ZNF879: variants seen among roughly 807,000 people sequenced by gnomAD.
ZNF879 encodes the protein zinc finger protein 879.
Under a neutral mutation model 44.3 loss-of-function variants are expected in ZNF879, and 32 were observed. The observed-to-expected ratio is 0.72, with a 90% CI of 0.54 to 0.97. ZNF879 has a LOEUF of 0.97. ZNF879 is among the 50% of genes least tolerant of loss of function. The probability of loss-of-function intolerance (pLI) is 0.00; values close to 1 mark genes in which losing one functional copy is unlikely to be tolerated. For missense variants in ZNF879, 621 were observed against 669.7 expected, an observed-to-expected ratio of 0.93 and a Z score of 0.80; for synonymous variants, 234 against 233.2, an observed-to-expected ratio of 1.00 and a Z score of -0.03.
In ZNF879 at chr5:179,033,527, C is replaced by G; in HGVS notation, c.1579C>G (p.Leu527Val). ...CGKAFRQSSS[L>V]MTHMRIHTGE... ...GAAAGCCTTCAGACAGAGTTCATCC[C>G]TTATGACACACATGAGAATTCATAC... The change falls in exon 5 of 5, where the codon CTT becomes GTT. Residue 527 changes from leucine (L) to valine (V), a missense_variant. Leu to Val is a conservative substitution (Grantham distance 32). Transcript: ENST00000444149. 6.4e-7 allele frequency: 1 copy of G among 1,555,536 alleles called. No homozygotes were observed.
In ZNF879 at chr5:179,035,019, A is replaced by G. The variant is rs1027312237; in HGVS notation, c.*1379A>G. Reference sequence around the variant, plus strand: ...GGAGATCGAGACCATCCTGGCTAACATGGTGAAACCACGTCTCCACTAAAA... The same window carrying G: ...GGAGATCGAGACCATCCTGGCTAACGTGGTGAAACCACGTCTCCACTAAAA... On this transcript the variant is annotated 3_prime_UTR_variant, in exon 5 of 5. Coordinates refer to ENST00000444149, the MANE Select transcript of ZNF879 (RefSeq NM_001136116.3). 9 of 149,706 alleles carry G rather than the reference A, an allele frequency of 6.0e-5. No homozygotes were observed. Among genetic ancestry groups the G allele is most frequent in the African/African-American group, 1.2e-4 (5 of 40,540 alleles). 9.3% of individuals were successfully genotyped at this position (149,706 alleles called of 1,614,324 possible). A position where few individuals can be genotyped will look rare whatever the true frequency, so the allele number is the denominator to read the frequency against.
At chr5:179,026,685 C>T (rs1191613240) in intron 2 of ZNF879, among the ~76,000 whole-genome samples, 1 of 152,192 alleles carries the variant, frequency 6.6e-6, no homozygotes. Flanking sequence ...GATGAGGTCT[C>T]TCTATGTTGC....
chr5:179,032,743 T>A lies in ZNF879; in HGVS notation c.795T>A (p.Cys265Ter). 1 of 1,554,798 alleles carries A rather than the reference T, an allele frequency of 6.4e-7. No homozygotes were observed. Among genetic ancestry groups the A allele is most frequent in the Non-Finnish European group, 8.7e-7 (1 of 1,148,992 alleles). ...TGEKPYICSECGKAFSFTTSL... is the reference protein window; with the variant it reads ...TGEKPYICSE The stretch of plus-strand genomic sequence containing the variant: ...AGAAACCTTATATATGTAGTGAATG[T>A]GGAAAAGCCTTCAGTTTCACCACAT... Residue 265 changes from cysteine to a stop codon, truncating the protein, a stop_gained, in exon 5 of 5, where the codon TGT becomes TGA. Transcript: ENST00000444149. LOFTEE classifies it high-confidence loss of function.
At chr5:179,031,559 G>A (rs577084303) in intron 4 of ZNF879, among the ~76,000 whole-genome samples, 24 of 152,250 alleles carry the variant, frequency 1.6e-4, no homozygotes, top group South Asian at 1.0e-3. Flanking sequence ...ACAGTGCTTC[G>A]TTCGTGTTTT....
At chr5:179,032,154 C>CT in intron 4 of ZNF879, 51 bp from the exon 5 acceptor site, 5 of 1,348,184 alleles carry the variant, frequency 3.7e-6, no homozygotes, top group Non-Finnish European at 3.9e-6. Flanking sequence ...TTTTATGTCA[C>CT]TTTTTAAAAT....
rs1469177647 is a variant in ZNF879, at chr5:179,033,834, A to G, written c.*194A>G. Reference sequence around the variant, plus strand: ...CTAGAAAAGCTTCTATAAAATGTTTATTCATATGTTCTTAAGTTATTACCA... The same window carrying G: ...CTAGAAAAGCTTCTATAAAATGTTTGTTCATATGTTCTTAAGTTATTACCA... On this transcript the variant is annotated 3_prime_UTR_variant, in exon 5 of 5. Coordinates refer to ENST00000444149, the MANE Select transcript of ZNF879 (RefSeq NM_001136116.3). 1.1e-5 allele frequency: 5 copies of G among 473,404 alleles called. No individual in the cohort carries two copies. Among genetic ancestry groups the G allele is most frequent in the African/African-American group, 2.0e-5 (1 of 50,030 alleles). 29.3% of individuals were successfully genotyped at this position (473,404 alleles called of 1,614,324 possible).
At chr5:179,032,081 C>T in intron 4 of ZNF879, 124 bp from the exon 5 acceptor site, 1 of 797,020 alleles carries the variant, frequency 1.3e-6, no homozygotes. Flanking sequence ...CCTTCCTCCT[C>T]TTCTTTTTCC....
In ZNF879 at chr5:179,032,679, GC is replaced by G. The variant is rs750599229; in HGVS notation, c.732del (p.Ser245HisfsTer3). ...GAATGTAGGAAAGCCTTCAGCCAAA[GC>G]TCATCCCTAACTCAGCACTTGAGGG... is the stretch of plus-strand genomic sequence containing the variant. ...CKECRKAFSQ[S>X]SSLTQHLRVH... On this transcript the variant is annotated frameshift_variant, in exon 5 of 5. Coordinates refer to ENST00000444149, the MANE Select transcript of ZNF879 (RefSeq NM_001136116.3). LOFTEE classifies it high-confidence loss of function. 6.4e-7 allele frequency: 1 copy of G among 1,564,096 alleles called. No individual in the cohort carries two copies. Among genetic ancestry groups the G allele is most frequent in the East Asian group, 2.4e-5 (1 of 41,862 alleles).
intron 2 of ZNF879, among the ~76,000 whole-genome samples, chr5:179,027,068 G>C (rs1427625188): frequency 1.3e-5 from 2 of 152,178 alleles, no homozygotes; most frequent in Non-Finnish European, 2.9e-5. Context: ...GGCAGAACTA[G>C]GACTCAGTGA....
At position 179,030,715 on chromosome 5, in the gene ZNF879, T is replaced by TACA. The variant is rs1761394088; in HGVS notation, c.257-1489_257-1488insCAA. Among the ~76,000 whole-genome samples the TACA allele has an allele frequency of 2.0e-5, 3 of 151,790 alleles. No individual in the cohort carries two copies. In the South Asian group the frequency reaches 6.2e-4, roughly 31 times the overall value. ...TTTTTATAGTTTTCTGTGTTTTTCT[T>TACA]ATGATGATATATTTCTTTTGTAGTT... is the stretch of plus-strand genomic sequence containing the variant. On this transcript the variant is annotated intron_variant, in intron 4 of 4. Transcript: ENST00000444149.
At chr5:179,025,075 G>A (rs368171755) in intron 2 of ZNF879, 38 bp downstream of exon 2, 31 of 1,550,448 alleles carry the variant, frequency 2.0e-5, no homozygotes, top group South Asian at 1.3e-4. Context: ...CTGCCTTCAG[G>A]GTCTAGACGT....
At chr5:179,024,183 T>G (rs908276816) in intron 1 of ZNF879, among the ~76,000 whole-genome samples, 1 of 152,094 alleles carries the variant, frequency 6.6e-6, no homozygotes, top group Non-Finnish European at 1.5e-5. Context: ...GCCGCCTCGG[T>G]TCAGGGTCCG....
rs557857712 is a variant in ZNF879 at position 179,033,195 on chromosome 5, T to C, written c.1247T>C (p.Ile416Thr). ...GCCTTCAGCCAAAGCTCAGCTCTCATACAACATCAAAGAATTCACACTGGA... is the reference window on the plus strand; with the variant it reads ...GCCTTCAGCCAAAGCTCAGCTCTCACACAACATCAAAGAATTCACACTGGA... ...GKAFSQSSAL[I>T]QHQRIHTGEK... Residue 416 changes from isoleucine to threonine, a missense_variant, in exon 5 of 5, where the codon ATA becomes ACA. Coordinates refer to ENST00000444149, the MANE Select transcript of ZNF879 (RefSeq NM_001136116.3). 34 of 1,595,318 alleles carry C rather than the reference T, an allele frequency of 2.1e-5. No individual in the cohort carries two copies. In the East Asian group the frequency reaches 7.3e-4, roughly 34 times the overall value.
intron 4 of ZNF879, among the ~76,000 whole-genome samples, chr5:179,029,080 G>T (rs1186476194): frequency 6.8e-6 from 1 of 147,716 alleles, no homozygotes; most frequent in Non-Finnish European, 1.5e-5. Flanking sequence ...TGTTGTTTTG[G>T]ATCTAGAATT....
chr5:179,028,749 T>A (rs1360364556), intron 4 of ZNF879, among the ~76,000 whole-genome samples: 1 of 152,206 alleles, frequency 6.6e-6, no homozygotes, highest in Non-Finnish European at 1.5e-5. Flanking sequence ...CTAAGGCATG[T>A]CACTTTTTCC....
intron 4 of ZNF879, 102 bp downstream of exon 4, chr5:179,028,229 G>A (rs539209647): frequency 1.9e-5 from 18 of 967,318 alleles, no homozygotes; most frequent in African/African-American, 1.1e-4. Context: ...CCAGGCCAGG[G>A]GGAAATGCTG....
chr5:179,027,935 C>T, intron 3 of ZNF879, 97 bp from the exon 4 acceptor site: 2 of 1,093,356 alleles, frequency 1.8e-6, no homozygotes, highest in African/African-American at 1.6e-5. Flanking sequence ...CAGAACAAAC[C>T]TCCTCCTTCC....
At position 179,027,411 on chromosome 5, in the gene ZNF879, C is replaced by T. The variant is rs183728487; in HGVS notation, c.34-62C>T. 4.3e-5 allele frequency: 68 copies of T among 1,596,310 alleles called. 1 individual carries two copies. In the African/African-American group the frequency reaches 8.4e-4, roughly 20 times the overall value. On this transcript the variant is annotated intron_variant, in intron 2 of 4. Transcript: ENST00000444149. Reference sequence around the variant, plus strand: ...AGAACCCTAAGTTGTGACAGGGTTGCTTCTCAGTCTTCTCGTTGTGGGGAC... The same window carrying T: ...AGAACCCTAAGTTGTGACAGGGTTGTTTCTCAGTCTTCTCGTTGTGGGGAC...
intron 2 of ZNF879, among the ~76,000 whole-genome samples, chr5:179,027,253 A>C (rs1207616633): frequency 6.6e-6 from 1 of 152,146 alleles, no homozygotes; most frequent in Non-Finnish European, 1.5e-5. Context: ...ATTTTGTTTC[A>C]TGGGTTCAAG....
Sources: allele counts gnomAD v4.1 joint callset (sites outside exome capture counted in the v4.1 genomes callset), GRCh38; gene constraint gnomAD v4.1.1; transcripts MANE v1.5; gene names NCBI Gene and HGNC (gene_info 2026-07-23, HGNC 2026-07-21).